Variants in SOX5 observed in about 807,000 individuals in gnomAD.
SOX5 encodes the protein SRY-box transcription factor 5, also known as transcription factor SOX-5.
Under a neutral mutation model 92.0 loss-of-function variants are expected in SOX5, and 9 were observed. That is an observed-to-expected ratio of 0.10 (90% CI 0.06 to 0.17). SOX5 has a LOEUF of 0.17. SOX5 is among the 10% of genes least tolerant of loss of function. The pLI is 1.00. For missense variants in SOX5, 642 were observed against 944.5 expected (o/e 0.68, Z 4.20); for synonymous variants, 344 against 336.3 (o/e 1.02, Z -0.25).
intron 1 of SOX5, among the ~76,000 whole-genome samples, chr12:24,428,512 C>T (rs116722187): frequency 0.012 from 1,812 of 151,972 alleles, 32 homozygotes; most frequent in African/African-American, 0.039. Flanking sequence ...TGGCTCACAC[C>T]TGTAATCCCA....
chr12:24,305,877 G>A (rs1014762376), intron 2 of SOX5, among the ~76,000 whole-genome samples: 3 of 152,128 alleles, frequency 2.0e-5, no homozygotes, highest in South Asian at 4.2e-4. Flanking sequence ...AATTACAGGC[G>A]TGAGCCACCG....
At position 24,079,432 on chromosome 12, in the gene SOX5, C is replaced by T. The variant is rs889576692; in HGVS notation, c.-2+133911G>A. On this transcript the variant is annotated intron_variant, in intron 4 of 4. Transcript: ENST00000446891. ...AGGAAAGTTATTTTCCAAGGACCTA[C>T]AAAATGTATGACATGAAAATAAATA... Among the ~76,000 whole-genome samples, 8 of 151,976 alleles carry T rather than the reference C, an allele frequency of 5.3e-5. No homozygotes were observed. The East Asian group carries it at 1.4e-3, about 26-fold the overall frequency.
At chr12:24,173,051 T>C (rs1041681418) in intron 4 of SOX5, among the ~76,000 whole-genome samples, 3 of 152,302 alleles carry the variant, frequency 2.0e-5, no homozygotes, top group Non-Finnish European at 2.9e-5. Context: ...GGGTAAAACC[T>C]AGAGAGATTA....
At chr12:23,689,999 A>G (rs2088457543) in intron 6 of SOX5, among the ~76,000 whole-genome samples, 1 of 152,188 alleles carries the variant, frequency 6.6e-6, no homozygotes, top group Admixed American at 6.5e-5. Context: ...AATAAAACTG[A>G]GCCCTTTTCC....
At chr12:24,021,015 C>T (rs984590630) in intron 4 of SOX5, among the ~76,000 whole-genome samples, 1 of 152,184 alleles carries the variant, frequency 6.6e-6, no homozygotes, top group African/African-American at 2.4e-5. Flanking sequence ...TGCTCCTTTT[C>T]CTGAGAAAGG....
intron 3 of SOX5, among the ~76,000 whole-genome samples, chr12:23,821,350 T>C (rs1366771130): frequency 6.6e-6 from 1 of 152,236 alleles, no homozygotes; most frequent in Non-Finnish European, 1.5e-5. Flanking sequence ...TTTCTAAATA[T>C]ACAATCATGC....
intron 3 of SOX5, among the ~76,000 whole-genome samples, chr12:24,232,761 T>A (rs187417019): frequency 6.6e-6 from 1 of 152,218 alleles, no homozygotes; most frequent in Non-Finnish European, 1.5e-5. Context: ...ACTGTGTTGG[T>A]ATTCTGTCCG....
At chr12:23,700,159 C>T (rs980307508) in intron 6 of SOX5, among the ~76,000 whole-genome samples, 11 of 152,122 alleles carry the variant, frequency 7.2e-5, no homozygotes, top group African/African-American at 2.4e-4. Context: ...GCTGCTGACA[C>T]ACAACAAATT....
At chr12:24,375,472 C>T (rs1252519045) in intron 1 of SOX5, among the ~76,000 whole-genome samples, 1 of 151,776 alleles carries the variant, frequency 6.6e-6, no homozygotes, top group African/African-American at 2.4e-5. Flanking sequence ...CGGTGGCTCA[C>T]GCCTGTAATC....
intron 3 of SOX5, among the ~76,000 whole-genome samples, chr12:23,832,378 C>A (rs756997894): frequency 2.0e-5 from 3 of 151,990 alleles, no homozygotes; most frequent in East Asian, 1.9e-4. Context: ...TGTTCTTGTT[C>A]TTGACTACCT....
At chr12:23,740,318 C>T (rs1316253595) in intron 5 of SOX5, among the ~76,000 whole-genome samples, 1 of 152,168 alleles carries the variant, frequency 6.6e-6, no homozygotes. Context: ...TTCCCTTTTG[C>T]CTACTCAAAG....
chr12:23,807,692 T>A (rs1594651819), intron 3 of SOX5, among the ~76,000 whole-genome samples: 1 of 149,688 alleles, frequency 6.7e-6, no homozygotes, highest in South Asian at 2.1e-4. Flanking sequence ...CCAGGCTGGG[T>A]TGCAGTGGCA....
intron 1 of SOX5, among the ~76,000 whole-genome samples, chr12:24,521,120 T>C (rs1184299612): frequency 6.6e-6 from 1 of 152,162 alleles, no homozygotes; most frequent in Non-Finnish European, 1.5e-5. Flanking sequence ...AATGGTGCAA[T>C]CTTGGCTCAC....
In SOX5 at chr12:24,463,654, C is replaced by T. The variant is rs115253940; in HGVS notation, c.-250-95015G>A. On this transcript the variant is annotated intron_variant, in intron 1 of 4. Coordinates refer to the SOX5 transcript ENST00000446891. Reference sequence around the variant, plus strand: ...CAGATGCGATCTACGGATTGGTGAACGGCAAAATGCCTATCTATTTTCAGA... The same window carrying T: ...CAGATGCGATCTACGGATTGGTGAATGGCAAAATGCCTATCTATTTTCAGA... Among the ~76,000 whole-genome samples, 532 of 152,246 alleles carry T rather than the reference C, an allele frequency of 3.5e-3. 1 individual carries two copies. Among genetic ancestry groups the T allele is most frequent in the African/African-American group, 0.012 (519 of 41,544 alleles).
At chr12:24,176,611 A>G (rs1954839402) in intron 4 of SOX5, among the ~76,000 whole-genome samples, 1 of 152,218 alleles carries the variant, frequency 6.6e-6, no homozygotes, top group Non-Finnish European at 1.5e-5. Flanking sequence ...CATATGGTCT[A>G]TGACCCATGG....
At chr12:24,140,351 A>T (rs1950474687) in intron 4 of SOX5, among the ~76,000 whole-genome samples, 1 of 152,190 alleles carries the variant, frequency 6.6e-6, no homozygotes, top group Non-Finnish European at 1.5e-5. Context: ...CCCTAAAGGC[A>T]TGATGAGTGA....
At chr12:24,374,938 G>A (rs958739609) in intron 1 of SOX5, among the ~76,000 whole-genome samples, 4 of 152,160 alleles carry the variant, frequency 2.6e-5, no homozygotes, top group African/African-American at 9.7e-5. Context: ...CCCTGTGGGT[G>A]CAGGGTTGGC....
chr12:24,562,350 A>G (rs1484108646), exon 1 of SOX5: 2 of 152,290 alleles, frequency 1.3e-5, no homozygotes, highest in African/African-American at 4.8e-5. Context: ...GGTCTCGTTA[A>G]TGCCTCCTCC....
intron 4 of SOX5, among the ~76,000 whole-genome samples, chr12:24,107,719 T>C (rs1357761225): frequency 6.6e-6 from 1 of 152,176 alleles, no homozygotes; most frequent in African/African-American, 2.4e-5. Flanking sequence ...AAGCTAAGAT[T>C]ACAGGGGAGA....
Sources: gnomAD v4.1 joint callset for allele counts (sites outside exome capture counted in the v4.1 genomes callset) on GRCh38, gnomAD v4.1.1 for gene constraint, MANE v1.5 for transcripts, NCBI Gene and HGNC (gene_info 2026-07-23, HGNC 2026-07-21) for gene names.